SPTBN4: variants seen among roughly 807,000 people sequenced by gnomAD.
The protein encoded by SPTBN4 is spectrin beta chain, non-erythrocytic 4.
In SPTBN4, 96 loss-of-function variants were observed where a neutral mutation model predicts 277.8. The ratio of observed to expected loss-of-function variants is 0.35; its 90% CI spans 0.29 to 0.41. SPTBN4 has a LOEUF of 0.41. SPTBN4 is among the 10% of genes least tolerant of loss of function. SPTBN4 has a pLI of 1.00. For synonymous variants in SPTBN4, 1,481 were observed against 1,580.3 expected, an observed-to-expected ratio of 0.94 and a Z score of 1.49; for missense variants, 3,006 against 3,595.7, an observed-to-expected ratio of 0.84 and a Z score of 4.19.
At chr19:40,516,301 ACTCTCT>A (rs376036578) in intron 15 of SPTBN4, among the ~76,000 whole-genome samples, 1 of 147,838 alleles carries the variant, frequency 6.8e-6, no homozygotes. Flanking sequence ...AGAATTCAGA[ACTCTCT>A]CTCTCTCTCT....
At position 40,513,385 on chromosome 19, in the gene SPTBN4, G is replaced by A. The variant is rs745325708; in HGVS notation, c.2596G>A (p.Val866Met). 1 of 1,604,624 alleles carries A rather than the reference G, an allele frequency of 6.2e-7. No homozygotes were observed. The highest frequency in any genetic ancestry group is 1.7e-5 in the Admixed American group (1 of 58,466). Residue 866 changes from valine (V) to methionine (M), a missense_variant, in exon 14 of 36, where the codon GTG (valine) becomes ATG (methionine). Around this residue, in one of 5 missense-constraint regions of SPTBN4, gnomAD observed 1,759 missense variants for 2,061.5 expected, o/e 0.85. Coordinates refer to ENST00000598249, the MANE Select transcript of SPTBN4 (RefSeq NM_020971.3). The part of the protein sequence containing the change: ...VVEAEQLFAE[V>M]TEVAALRRQW... ...GGAAGCAGAGCAGTTGTTCGCTGAG[G>A]TGACCGAAGTGGCGGCGCTGAGGCG...
rs561327426 is a variant in SPTBN4 at position 40,507,790 on chromosome 19, G to A, written c.1816+1404G>A. 5.3e-5 allele frequency among the ~76,000 whole-genome samples: 8 copies of A among 152,136 alleles called. No individual in the cohort carries two copies. The East Asian group carries it at 1.2e-3, about 22-fold the overall frequency. Reference sequence around the variant, plus strand: ...GCAGAGGTTGCCATGAGCCGAGATCGCACCACTGCACACTCCAGCCTAGGT... The same window carrying A: ...GCAGAGGTTGCCATGAGCCGAGATCACACCACTGCACACTCCAGCCTAGGT... On this transcript the variant is annotated intron_variant, in intron 13 of 35. Coordinates refer to ENST00000598249, the MANE Select transcript of SPTBN4 (RefSeq NM_020971.3).
In SPTBN4 at chr19:40,513,433, G is replaced by A. The variant is rs750514930; in HGVS notation, c.2644G>A (p.Ala882Thr). Residue 882 changes from alanine to threonine, a missense_variant, in exon 14 of 36, where the codon GCT becomes ACT. Ala to Thr is a moderately conservative substitution (Grantham distance 58). Transcript: ENST00000598249. ...LRRQWLRDAL[A>T]VYRMFGEVHA... is the part of the protein sequence containing the mutation. ...GCGCCAGTGGCTGCGGGACGCGCTC[G>A]CTGTCTACCGCATGTTTGGCGAGGT... 6 of 1,603,344 alleles carry A rather than the reference G, an allele frequency of 3.7e-6. No homozygotes were observed. Among genetic ancestry groups the A allele is most frequent in the Non-Finnish European group, 5.1e-6 (6 of 1,177,940 alleles).
At chr19:40,493,075 C>T (rs1207610084) in intron 5 of SPTBN4, 21 bp downstream of exon 5, 4 of 1,611,422 alleles carry the variant, frequency 2.5e-6, no homozygotes, top group African/African-American at 1.3e-5. Context: ...CCACCACCTT[C>T]CTTAGGAGGT....
chr19:40,574,156 C>T (rs1258455986), intron 35 of SPTBN4, among the ~76,000 whole-genome samples: 10 of 151,892 alleles, frequency 6.6e-5, no homozygotes, highest in Non-Finnish European at 1.5e-4. Context: ...AAAAAAGATT[C>T]CTTTGGCTAC....
intron 35 of SPTBN4, among the ~76,000 whole-genome samples, chr19:40,574,381 G>A (rs1338468876): frequency 6.8e-6 from 1 of 147,860 alleles, no homozygotes; most frequent in Non-Finnish European, 1.5e-5. Context: ...TTTTTTTTGA[G>A]ACAGAGTTTC....
chr19:40,472,621 G>C lies in SPTBN4; in HGVS notation c.-1G>C. On this transcript the variant is annotated 5_prime_UTR_variant, in exon 2 of 36. Coordinates refer to ENST00000598249, the MANE Select transcript of SPTBN4 (RefSeq NM_020971.3). Reference sequence around the variant, plus strand: ...CCTATGTCCAGGCCTCACCTTCCCCGATGGCGCAGGTACCAGGGGAAGTGG... The same window carrying C: ...CCTATGTCCAGGCCTCACCTTCCCCCATGGCGCAGGTACCAGGGGAAGTGG... 1 of 1,610,898 alleles carries C rather than the reference G, an allele frequency of 6.2e-7. No individual in the cohort carries two copies. Among genetic ancestry groups the C allele is most frequent in the East Asian group, 2.2e-5 (1 of 44,826 alleles).
intron 6 of SPTBN4, among the ~76,000 whole-genome samples, chr19:40,496,865 G>A (rs888085451): frequency 4.0e-5 from 6 of 151,824 alleles, no homozygotes; most frequent in African/African-American, 1.5e-4. Flanking sequence ...TTGAGGTCAG[G>A]AGTTCGAGAC....
rs775168370 is a variant in SPTBN4, at chr19:40,504,025, C to G, written c.1558C>G (p.Leu520Val). The G allele has an allele frequency of 5.0e-6, 8 of 1,613,920 alleles. No individual in the cohort carries two copies. In the Admixed American group the frequency reaches 1.3e-4, roughly 27 times the overall value. Residue 520 changes from leucine (L) to valine (V), a missense_variant, in exon 12 of 36, where the codon CTA (leucine) becomes GTA (valine). By Grantham distance (32) the Leu-to-Val change is conservative. This residue lies in a region of SPTBN4 where 1,759 missense variants were observed against 2,061.5 expected (regional missense o/e 0.85). Coordinates refer to ENST00000598249, the MANE Select transcript of SPTBN4 (RefSeq NM_020971.3). ...RDSVLRQWAL[L>V]TGLVGARRTR... The stretch of plus-strand genomic sequence containing the variant: ...CAGCGTCCTGCGCCAGTGGGCCCTG[C>G]TAACTGGGCTTGTGGGTGCCCGGCG...
chr19:40,520,351 A>C (rs1489337305), intron 16 of SPTBN4, among the ~76,000 whole-genome samples, 200 bp downstream of exon 16: 3 of 152,206 alleles, frequency 2.0e-5, no homozygotes, highest in Admixed American at 1.3e-4. Flanking sequence ...TGTATGTAAC[A>C]GAATTTGAGG....
chr19:40,550,442 C>A, intron 22 of SPTBN4, 115 bp downstream of exon 22: 1 of 867,802 alleles, frequency 1.2e-6, no homozygotes, highest in South Asian at 1.6e-5. Context: ...ATTAACAAGA[C>A]TGTGGACAGC....
At chr19:40,547,772 G>T (rs2080874755) in intron 20 of SPTBN4, among the ~76,000 whole-genome samples, 2 of 152,172 alleles carry the variant, frequency 1.3e-5, no homozygotes, top group South Asian at 4.1e-4. Flanking sequence ...GCATTTATCT[G>T]ATGACCAGTG....
chr19:40,569,497 C>G (rs1456349854), intron 31 of SPTBN4, among the ~76,000 whole-genome samples, 160 bp from the exon 32 acceptor site: 1 of 151,974 alleles, frequency 6.6e-6, no homozygotes, highest in Non-Finnish European at 1.5e-5. Context: ...GTCCCAAACA[C>G]CTGTGGTACC....
rs867720969 is a variant in SPTBN4 at position 40,520,040 on chromosome 19, G to A, written c.3543G>A (p.Trp1181Ter). ...DEWLPHLELG[W>*]HKLLGLWEAR... is the part of the protein sequence containing the mutation. ...GGCTGCCACACCTCGAACTTGGCTGGCATAAACTGCTCGGCTTGTGGGAGG... is the reference window on the plus strand; with the variant it reads ...GGCTGCCACACCTCGAACTTGGCTGACATAAACTGCTCGGCTTGTGGGAGG... The change falls in exon 16 of 36, where the codon TGG becomes TGA. Residue 1181 changes from tryptophan to a stop codon, truncating the protein, a stop_gained. Coordinates refer to ENST00000598249, the MANE Select transcript of SPTBN4 (RefSeq NM_020971.3). LOFTEE classifies it high-confidence loss of function. The A allele has an allele frequency of 6.4e-7, 1 of 1,560,410 alleles. No individual in the cohort carries two copies. Among genetic ancestry groups the A allele is most frequent in the Non-Finnish European group, 8.7e-7 (1 of 1,155,606 alleles).
chr19:40,574,951 G>A (rs2081187235), intron 35 of SPTBN4, among the ~76,000 whole-genome samples: 2 of 149,288 alleles, frequency 1.3e-5, no homozygotes, highest in South Asian at 4.2e-4. Flanking sequence ...GGAGATGGAG[G>A]TTGCAGTGAG....
intron 7 of SPTBN4, among the ~76,000 whole-genome samples, chr19:40,501,042 A>C (rs572923567): frequency 6.6e-6 from 1 of 152,276 alleles, no homozygotes; most frequent in African/African-American, 2.4e-5. Context: ...GAGGATTATC[A>C]ACTATAGACA....
intron 2 of SPTBN4, among the ~76,000 whole-genome samples, chr19:40,482,348 G>A (rs912797377): frequency 1.3e-5 from 2 of 152,098 alleles, no homozygotes; most frequent in Admixed American, 1.3e-4. Context: ...TGGGATAATG[G>A]GCATGAGCCA....
At chr19:40,569,831 T>C (rs572965180) in intron 32 of SPTBN4, 105 bp downstream of exon 32, 10 of 1,068,626 alleles carry the variant, frequency 9.4e-6, no homozygotes, top group African/African-American at 1.6e-5. Flanking sequence ...ACCCATTCCC[T>C]ACCTGGACCC....
chr19:40,529,185 A>T, intron 18 of SPTBN4, 54 bp downstream of exon 18: 215 of 1,293,546 alleles, frequency 1.7e-4, no homozygotes, highest in Non-Finnish European at 2.2e-4. Flanking sequence ...TCGGGAGGGA[A>T]GTGCTTCTCG....
Sources: allele counts gnomAD v4.1 joint callset (sites outside exome capture counted in the v4.1 genomes callset), GRCh38; gene constraint gnomAD v4.1.1; regional missense constraint gnomAD v4.1.1; transcripts MANE v1.5; gene names NCBI Gene and HGNC (gene_info 2026-07-23, HGNC 2026-07-21).